MTMR7: variants seen among roughly 807,000 people sequenced by gnomAD.
The protein encoded by MTMR7 is myotubularin related protein 7.
Under a neutral mutation model 81.2 loss-of-function variants are expected in MTMR7, and 76 were observed. That is an observed-to-expected ratio of 0.94 (90% confidence interval 0.78 to 1.13). The LOEUF is 1.13. Among genes scored for constraint, MTMR7 ranks in the 50% most tolerant of loss-of-function variants. MTMR7 has a pLI of 0.00. For missense variants in MTMR7, 1,044 were observed against 820.0 expected (o/e 1.27, Z -3.34); for synonymous variants, 372 against 289.8 (o/e 1.28, Z -2.88).
chr8:17,313,439 T>G, intron 7 of MTMR7, 38 bp from the exon 8 acceptor site: 1 of 1,308,432 alleles, frequency 7.6e-7, no homozygotes, highest in Non-Finnish European at 1.1e-6. Context: ...AAAATTAAGG[T>G]ACTCTCTCAT....
At chr8:17,300,344 A>ACATCCCTCT in intron 13 of MTMR7, 120 bp from the exon 14 acceptor site, 1 of 1,134,932 alleles carries the variant, frequency 8.8e-7, no homozygotes, top group Non-Finnish European at 1.2e-6. Flanking sequence ...CATGTGACTC[A>ACATCCCTCT]GAGGGATGTG....
rs1817786472 is a variant in MTMR7, at chr8:17,311,656, CAAAG to C, written c.976-24_976-21del. The C allele has an allele frequency of 6.2e-7, 1 of 1,613,798 alleles. No homozygotes were observed. Among genetic ancestry groups the C allele is most frequent in the Admixed American group, 1.7e-5 (1 of 59,984 alleles). On this transcript the variant is annotated intron_variant, in intron 8 of 13. Coordinates refer to ENST00000180173, the MANE Select transcript of MTMR7 (RefSeq NM_004686.5). ...CACTGCCTAGAAAACACACGATCCG[CAAAG>C]AGTCACAAAGAATGGCTGTAAAAAG...
chr8:17,401,318 G>A (rs1821423613), intron 1 of MTMR7, among the ~76,000 whole-genome samples: 1 of 152,112 alleles, frequency 6.6e-6, no homozygotes, highest in South Asian at 2.1e-4. Context: ...GCAAGTTCCA[G>A]GCACAGGAAA....
chr8:17,380,431 C>A (rs561739228), intron 1 of MTMR7, among the ~76,000 whole-genome samples: 1 of 152,228 alleles, frequency 6.6e-6, no homozygotes, highest in East Asian at 1.9e-4. Flanking sequence ...CAAACTTTCC[C>A]AGATCCTGCA....
rs1207354159 is a variant in MTMR7, at chr8:17,297,684, A to AAAAC, written c.*2174_*2177dup. ...TATGCTTTAAACCACTGCTCTCAAT[A>AAAAC]AAACACTTCCTGATTAATGTTTGAT... On this transcript the variant is annotated 3_prime_UTR_variant, in exon 14 of 14. Transcript: ENST00000180173. The AAAAC allele has an allele frequency of 1.3e-5, 2 of 152,094 alleles. No individual in the cohort carries two copies. The highest frequency in any genetic ancestry group is 2.1e-4 in the South Asian group (1 of 4,834). The allele number at this position is 152,094 out of a possible 1,614,324, so 9.4% of individuals were successfully genotyped here.
intron 1 of MTMR7, among the ~76,000 whole-genome samples, chr8:17,401,624 T>C (rs568187891): frequency 2.9e-4 from 44 of 152,168 alleles, no homozygotes; most frequent in African/African-American, 9.9e-4. Flanking sequence ...GTGGTAGGAA[T>C]GGAGGTGCGA....
intron 1 of MTMR7, among the ~76,000 whole-genome samples, 173 bp downstream of exon 1, chr8:17,413,096 G>C (rs1244229791): frequency 6.6e-6 from 1 of 152,174 alleles, no homozygotes; most frequent in Non-Finnish European, 1.5e-5. Context: ...GCAAGAGAAC[G>C]ACCGGGCTCG....
chr8:17,402,657 G>A (rs909384624), intron 1 of MTMR7, among the ~76,000 whole-genome samples: 5 of 152,044 alleles, frequency 3.3e-5, no homozygotes, highest in African/African-American at 7.2e-5. Context: ...TTATACATTC[G>A]TCTGTTGATG....
At chr8:17,374,586 A>G (rs559776297) in intron 1 of MTMR7, among the ~76,000 whole-genome samples, 1 of 152,116 alleles carries the variant, frequency 6.6e-6, no homozygotes, top group Non-Finnish European at 1.5e-5. Flanking sequence ...GCGCCACCGT[A>G]CCGTAGCCTG....
chr8:17,348,718 G>A (rs1193154812), intron 5 of MTMR7, among the ~76,000 whole-genome samples: 1 of 152,072 alleles, frequency 6.6e-6, no homozygotes. Context: ...GGGGTTTTCT[G>A]AATCTATTGA....
chr8:17,406,541 C>G (rs1462710051), intron 1 of MTMR7, among the ~76,000 whole-genome samples: 2 of 152,158 alleles, frequency 1.3e-5, no homozygotes, highest in African/African-American at 2.4e-5. Flanking sequence ...TGTCGGGGTT[C>G]TGAAATAGTG....
intron 10 of MTMR7, among the ~76,000 whole-genome samples, chr8:17,308,021 A>C (rs1024256442): frequency 6.6e-6 from 1 of 150,838 alleles, no homozygotes; most frequent in African/African-American, 2.5e-5. Context: ...CATGTACCCT[A>C]AAACAAAGTA....
intron 1 of MTMR7, among the ~76,000 whole-genome samples, chr8:17,396,769 C>T (rs1160939229): frequency 6.6e-6 from 1 of 151,862 alleles, no homozygotes; most frequent in South Asian, 2.1e-4. Context: ...AATGCTTGTG[C>T]CACCCCTCTC....
chr8:17,404,867 C>T (rs1015062720), intron 1 of MTMR7, among the ~76,000 whole-genome samples: 12 of 152,074 alleles, frequency 7.9e-5, no homozygotes, highest in African/African-American at 2.7e-4. Flanking sequence ...GCTCTGTAGC[C>T]CAAGCTGGAG....
intron 3 of MTMR7, among the ~76,000 whole-genome samples, chr8:17,370,473 T>C (rs959947548): frequency 3.1e-4 from 46 of 146,488 alleles, no homozygotes; most frequent in Non-Finnish European, 1.5e-5. Context: ...TGAGCTGAGA[T>C]TGCACCAGGA....
intron 4 of MTMR7, chr8:17,349,348 G>T (rs367730175): frequency 2.3e-4 from 70 of 297,908 alleles, no homozygotes; most frequent in African/African-American, 1.3e-3. Context: ...CTTTGTGCAA[G>T]ACCAGTGACA....
chr8:17,385,439 T>C (rs7008807), intron 1 of MTMR7, among the ~76,000 whole-genome samples: 133,912 of 151,998 alleles, frequency 0.88, 59,136 homozygotes, highest in Middle Eastern at 0.95. Context: ...ATACGCCTCA[T>C]GACATCTGAT....
intron 1 of MTMR7, among the ~76,000 whole-genome samples, chr8:17,411,070 TGTAA>T (rs532918301): frequency 9.2e-5 from 14 of 152,226 alleles, no homozygotes; most frequent in Non-Finnish European, 1.5e-4. Flanking sequence ...CTGCAAGCTC[TGTAA>T]GTAATGTTGT....
At position 17,349,016 on chromosome 8, in the gene MTMR7, C is replaced by G; in HGVS notation, c.534G>C (p.Gly178=). The G allele has an allele frequency of 6.2e-7, 1 of 1,613,126 alleles. No homozygotes were observed. Among genetic ancestry groups the G allele is most frequent in the Non-Finnish European group, 8.5e-7 (1 of 1,179,870 alleles). ...PKSATAHIIV[G]SSKFRSRRRF... The stretch of plus-strand genomic sequence containing the variant: ...GCCGTCTACTCCGGAATTTGGAACT[C>G]CCCACTATGATGTGTGCCGTGGCCG... Residue 178 remains glycine, a synonymous_variant, in exon 5 of 14, where the codon GGG becomes GGC. Transcript: ENST00000180173.
Sources: allele counts gnomAD v4.1 joint callset (sites outside exome capture counted in the v4.1 genomes callset), GRCh38; gene constraint gnomAD v4.1.1; transcripts MANE v1.5; gene names NCBI Gene and HGNC (gene_info 2026-07-23, HGNC 2026-07-21).